Variants in CAPN8 observed in about 807,000 individuals in gnomAD.
CAPN8 encodes calpain 8.
A neutral mutation model predicts 80.9 loss-of-function variants in CAPN8; 87 were observed. The ratio of observed to expected loss-of-function variants is 1.07; its 90% CI spans 0.90 to 1.28. CAPN8 has a LOEUF of 1.28. Among genes scored for constraint, CAPN8 ranks in the 50% most tolerant of loss-of-function variants. The probability of loss-of-function intolerance (pLI) is 0.00; values close to 1 mark genes in which losing one functional copy is unlikely to be tolerated. For synonymous variants in CAPN8, 299 were observed against 273.8 expected (o/e 1.09, Z -0.91); for missense variants, 757 against 702.0 (o/e 1.08, Z -0.89).
chr1:223,553,002 G>T (rs1422451347), intron 14 of CAPN8, among the ~76,000 whole-genome samples: 1 of 152,080 alleles, frequency 6.6e-6, no homozygotes, highest in Non-Finnish European at 1.5e-5. Context: ...CTGTTCCCAG[G>T]TTTTATTTCC....
At chr1:223,635,280 C>G (rs530937248) in intron 2 of CAPN8, among the ~76,000 whole-genome samples, 175 of 152,296 alleles carry the variant, frequency 1.1e-3, no homozygotes, top group African/African-American at 4.1e-3. Context: ...GGTGAACACG[C>G]CTTTTGAAGC....
chr1:223,656,092 C>T (rs1273212295), intron 1 of CAPN8, among the ~76,000 whole-genome samples: 1 of 151,636 alleles, frequency 6.6e-6, no homozygotes, highest in Admixed American at 6.6e-5. Context: ...AGGTGGCAGC[C>T]CCATAGCCTC....
At chr1:223,553,992 T>C in intron 13 of CAPN8, 92 bp from the exon 14 acceptor site, 2 of 397,372 alleles carry the variant, frequency 5.0e-6, no homozygotes, top group East Asian at 3.6e-5. Flanking sequence ...TCCATTAGTA[T>C]CTATGATGCA....
intron 10 of CAPN8, among the ~76,000 whole-genome samples, chr1:223,615,450 T>G (rs1423354034): frequency 2.6e-5 from 4 of 152,250 alleles, no homozygotes; most frequent in African/African-American, 9.6e-5. Context: ...CAGAGACAGC[T>G]GTATTCCAGA....
chr1:223,641,571 A>C (rs1375824046), intron 2 of CAPN8, among the ~76,000 whole-genome samples: 6 of 152,250 alleles, frequency 3.9e-5, no homozygotes, highest in Non-Finnish European at 5.9e-5. Flanking sequence ...TGCCCTTAGG[A>C]ATAAAGTCCA....
In CAPN8 at chr1:223,619,550, C is replaced by T. The variant is rs370276946; in HGVS notation, c.975-97G>A. 1.5e-5 allele frequency: 20 copies of T among 1,319,874 alleles called. No individual in the cohort carries two copies. The African/African-American group carries it at 2.3e-4, about 15-fold the overall frequency. The allele number at this position is 1,319,874 out of a possible 1,614,324, so 81.8% of individuals were successfully genotyped here. A position where few individuals can be genotyped will look rare whatever the true frequency, so the allele number is the denominator to read the frequency against. On this transcript the variant is annotated intron_variant, in intron 8 of 20. Coordinates refer to ENST00000366872, the MANE Select transcript of CAPN8 (RefSeq NM_001143962.2). ...CGGGAAGGAGCCCTGTGGCACAGGCCCTAGAGGCCGTGGGCTAGCTTGATC... is the reference window on the plus strand; with the variant it reads ...CGGGAAGGAGCCCTGTGGCACAGGCTCTAGAGGCCGTGGGCTAGCTTGATC...
rs765063568 is a variant in CAPN8 at position 223,616,142 on chromosome 1, G to T, written c.1139C>A (p.Thr380Lys). 1.3e-6 allele frequency: 2 copies of T among 1,544,796 alleles called. No homozygotes were observed. Among genetic ancestry groups the T allele is most frequent in the South Asian group, 2.4e-5 (2 of 83,668 alleles). ...TTTGAACTGGGGATTGGTCCAGTAC[G>T]TGGCTGGAAGTCACCCAGGTGATGG... ...TAGGCQNYPA[T>K]YWTNPQFKIR... Residue 380 changes from threonine to lysine, a missense_variant, in exon 10 of 21, where the codon ACG becomes AAG. Coordinates refer to ENST00000366872, the MANE Select transcript of CAPN8 (RefSeq NM_001143962.2).
At chr1:223,620,152 A>G in intron 8 of CAPN8, 40 bp downstream of exon 8, 1 of 1,527,360 alleles carries the variant, frequency 6.5e-7, no homozygotes, top group Non-Finnish European at 8.9e-7. Context: ...AAATGGACCC[A>G]TCACCAATGG....
Position 223,660,297 on chromosome 1 carries a change from C to A in CAPN8, c.237+5113G>T, listed in dbSNP as rs182108730. Among the ~76,000 whole-genome samples the A allele has an allele frequency of 4.2e-3, 637 of 152,290 alleles. 6 individuals are homozygous for A. Among genetic ancestry groups the A allele is most frequent in the Non-Finnish European group, 6.7e-3 (457 of 68,010 alleles). On this transcript the variant is annotated intron_variant, in intron 1 of 20. Transcript: ENST00000366872. ...TGCACCAGGGCCTGCTCATGCTGGG[C>A]ATTCCTCAAACCACAGGACCTGGGC...
intron 18 of CAPN8, among the ~76,000 whole-genome samples, chr1:223,544,547 C>T (rs1656565451): frequency 1.3e-5 from 2 of 152,218 alleles, no homozygotes; most frequent in African/African-American, 4.8e-5. Flanking sequence ...TTCCCAGTAA[C>T]AGGCAGAGAT....
intron 2 of CAPN8, among the ~76,000 whole-genome samples, chr1:223,654,034 A>G (rs1658411588): frequency 6.6e-6 from 1 of 152,240 alleles, no homozygotes; most frequent in African/African-American, 2.4e-5. Context: ...TATAGCACAG[A>G]TATCTACTCT....
At chr1:223,623,451 C>T (rs1345878794) in intron 6 of CAPN8, among the ~76,000 whole-genome samples, 1 of 152,134 alleles carries the variant, frequency 6.6e-6, no homozygotes, top group East Asian at 1.9e-4. Context: ...GAACGCAGGC[C>T]AGGAACTCAG....
intron 19 of CAPN8, 39 bp downstream of exon 19, chr1:223,544,028 G>A: frequency 1.4e-6 from 1 of 715,802 alleles, no homozygotes; most frequent in East Asian, 2.7e-5. Flanking sequence ...CTTGCACCTT[G>A]GGATTAATAG....
intron 5 of CAPN8, 117 bp downstream of exon 5, chr1:223,626,872 G>T: frequency 9.3e-7 from 1 of 1,075,598 alleles, no homozygotes; most frequent in Non-Finnish European, 1.3e-6. Context: ...CTAAGCTCCA[G>T]ACTCTGCTCT....
intron 2 of CAPN8, among the ~76,000 whole-genome samples, chr1:223,629,232 T>TG (rs68132305): frequency 0.017 from 2,211 of 132,592 alleles, 46 homozygotes; most frequent in East Asian, 0.058. Context: ...GTGTGTGTGT[T>TG]TATGTTCCTT....
intron 2 of CAPN8, among the ~76,000 whole-genome samples, chr1:223,652,268 G>A (rs1457848801): frequency 6.6e-6 from 1 of 152,084 alleles, no homozygotes; most frequent in South Asian, 2.1e-4. Context: ...CTTGAGCCCA[G>A]GAGAAGGAGG....
Position 223,664,717 on chromosome 1 carries a change from G to A in CAPN8, c.237+693C>T, listed in dbSNP as rs368119988. Among the ~76,000 whole-genome samples the A allele has an allele frequency of 3.3e-5, 5 of 152,236 alleles. 1 individual carries two copies. Among genetic ancestry groups the A allele is most frequent in the Admixed American group, 1.3e-4 (2 of 15,296 alleles). ...CTTTGGGAGGCTGAGGTGGGCAGAT[G>A]GCTTAAGCCCAGGAGTCCAAGACCA... On this transcript the variant is annotated intron_variant, in intron 1 of 20. Transcript: ENST00000366872.
intron 12 of CAPN8, among the ~76,000 whole-genome samples, chr1:223,558,726 ATGATGTG>A (rs1656959031): frequency 6.6e-6 from 1 of 151,202 alleles, no homozygotes. Flanking sequence ...TGTGTACTGT[ATGATGTG>A]TGATGTGTGT....
intron 9 of CAPN8, chr1:223,617,566 T>C (rs1386547047): frequency 1.3e-5 from 2 of 152,260 alleles, no homozygotes; most frequent in Admixed American, 1.3e-4. Context: ...AAATGATCCA[T>C]GCAAATTTCC....
Sources: allele counts gnomAD v4.1 joint callset (sites outside exome capture counted in the v4.1 genomes callset), GRCh38; gene constraint gnomAD v4.1.1; transcripts MANE v1.5; gene names NCBI Gene and HGNC (gene_info 2026-07-23, HGNC 2026-07-21).